The following ENTHD1 variants were observed in gnomAD, a reference collection of about 807,000 sequenced individuals.
ENTHD1 encodes ENTH domain-containing protein 1.
Under a neutral mutation model 39.1 loss-of-function variants are expected in ENTHD1, and 23 were observed. That is an observed-to-expected ratio of 0.59 (90% CI 0.42 to 0.83). The LOEUF is 0.83. ENTHD1 is among the 40% of genes least tolerant of loss of function. ENTHD1 has a pLI of 0.00. For missense variants in ENTHD1, 624 were observed against 705.4 expected, an observed-to-expected ratio of 0.88 and a Z score of 1.31; for synonymous variants, 230 against 258.2, an observed-to-expected ratio of 0.89 and a Z score of 1.05.
chr22:39,828,660 A>G (rs763147982), intron 4 of ENTHD1, among the ~76,000 whole-genome samples: 2 of 152,254 alleles, frequency 1.3e-5, no homozygotes, highest in Non-Finnish European at 2.9e-5. Context: ...ATCTGTTTCT[A>G]TGGAAACAAC....
intron 5 of ENTHD1, among the ~76,000 whole-genome samples, chr22:39,817,804 A>G (rs984007029): frequency 6.6e-6 from 1 of 152,242 alleles, no homozygotes; most frequent in Non-Finnish European, 1.5e-5. Context: ...GCATGCAGAA[A>G]GATTTTATAG....
chr22:39,887,738 C>A lies in ENTHD1; in HGVS notation c.11G>T (p.Arg4Met). The A allele has an allele frequency of 6.4e-7, 1 of 1,568,814 alleles. No individual in the cohort carries two copies. The highest frequency in any genetic ancestry group is 8.6e-7 in the Non-Finnish European group (1 of 1,159,840). ...TTTCACAAAGTTTTTCACTTGTCTC[C>A]TGAACGCCATAAGTAATACAAGTTC... is the stretch of plus-strand genomic sequence containing the variant. MAF[R>M]RQVKNFVKNY... The change falls in exon 2 of 7, where the codon AGG becomes ATG. Residue 4 changes from arginine (R) to methionine (M), a missense_variant. Physicochemically the swap from Arg to Met is moderately conservative, Grantham distance 91 (BLOSUM62 -1). Coordinates refer to ENST00000325157, the MANE Select transcript of ENTHD1 (RefSeq NM_152512.4).
chr22:39,749,064 C>T (rs1437114538), intron 6 of ENTHD1, among the ~76,000 whole-genome samples: 1 of 152,184 alleles, frequency 6.6e-6, no homozygotes, highest in Non-Finnish European at 1.5e-5. Context: ...AGTTTTGCAG[C>T]TTTGAGTCAT....
chr22:39,850,288 T>G (rs954794847), intron 3 of ENTHD1, among the ~76,000 whole-genome samples: 3 of 152,330 alleles, frequency 2.0e-5, no homozygotes, highest in African/African-American at 4.8e-5. Context: ...ATACTACATC[T>G]TCCTGGGAAA....
At chr22:39,848,260 T>TAA (rs2066007021) in intron 3 of ENTHD1, among the ~76,000 whole-genome samples, 1 of 146,012 alleles carries the variant, frequency 6.8e-6, no homozygotes, top group South Asian at 2.2e-4. Flanking sequence ...ATTAATTAAT[T>TAA]TTTTTTTTTT....
At chr22:39,866,465 G>A (rs1224058436) in intron 2 of ENTHD1, among the ~76,000 whole-genome samples, 1 of 152,200 alleles carries the variant, frequency 6.6e-6, no homozygotes, top group African/African-American at 2.4e-5. Flanking sequence ...AAATAAAGAA[G>A]GGTGATGTGC....
intron 3 of ENTHD1, among the ~76,000 whole-genome samples, chr22:39,861,171 G>A (rs988795971): frequency 1.3e-5 from 2 of 152,088 alleles, no homozygotes; most frequent in Admixed American, 6.5e-5. Flanking sequence ...TGCCAAATAG[G>A]GTAGTCACTA....
chr22:39,765,561 A>G lies in ENTHD1; in HGVS notation c.881T>C (p.Val294Ala). 3 of 1,613,784 alleles carry G rather than the reference A, an allele frequency of 1.9e-6. No homozygotes were observed. The highest frequency in any genetic ancestry group is 1.7e-6 in the Non-Finnish European group (2 of 1,179,900). ...SENSPSGQRDVSLDKRSDGIF... is the reference protein window; with the variant it reads ...SENSPSGQRDASLDKRSDGIF... ...ACCATCTGATCTCTTGTCCAAACTCACATCTCTCTGCCCAGAAGGACTATT... is the reference window on the plus strand; with the variant it reads ...ACCATCTGATCTCTTGTCCAAACTCGCATCTCTCTGCCCAGAAGGACTATT... The change falls in exon 6 of 7, where the codon GTG (valine) becomes GCG (alanine). Residue 294 changes from valine to alanine, a missense_variant. By Grantham distance (64) the Val-to-Ala change is moderately conservative. Transcript: ENST00000325157.
chr22:39,860,680 T>C (rs1215073353), intron 3 of ENTHD1, among the ~76,000 whole-genome samples: 1 of 152,240 alleles, frequency 6.6e-6, no homozygotes, highest in African/African-American at 2.4e-5. Flanking sequence ...TTTTTGCACT[T>C]AACTGACAGT....
At chr22:39,768,292 C>A (rs907119897) in intron 5 of ENTHD1, among the ~76,000 whole-genome samples, 9 of 152,168 alleles carry the variant, frequency 5.9e-5, no homozygotes, top group African/African-American at 1.9e-4. Flanking sequence ...AAAGGCCCTT[C>A]ATTGCTTACT....
chr22:39,839,662 T>C (rs573113056), intron 3 of ENTHD1, among the ~76,000 whole-genome samples: 3 of 152,348 alleles, frequency 2.0e-5, no homozygotes, highest in East Asian at 3.9e-4. Context: ...CAAAGAGTGG[T>C]GACTTGGGGC....
intron 2 of ENTHD1, among the ~76,000 whole-genome samples, chr22:39,879,044 T>C (rs2066313310): frequency 6.6e-6 from 1 of 151,230 alleles, no homozygotes; most frequent in Admixed American, 6.6e-5. Context: ...GGAGAAAATA[T>C]TTGCAAAAAA....
At chr22:39,805,372 T>C (rs1360800530) in intron 5 of ENTHD1, among the ~76,000 whole-genome samples, 1 of 152,032 alleles carries the variant, frequency 6.6e-6, no homozygotes, top group East Asian at 1.9e-4. Context: ...CCTTACTATG[T>C]GAGATGTGTG....
chr22:39,805,452 T>C (rs923054892), intron 5 of ENTHD1, among the ~76,000 whole-genome samples: 4 of 152,152 alleles, frequency 2.6e-5, no homozygotes, highest in Admixed American at 6.5e-5. Flanking sequence ...GGGCCTCAGG[T>C]TGGGGACATG....
intron 6 of ENTHD1, among the ~76,000 whole-genome samples, chr22:39,758,649 C>A (rs1350733340): frequency 1.3e-5 from 2 of 152,176 alleles, no homozygotes. Context: ...TGATCTTGAA[C>A]TCCTGGCCTC....
At chr22:39,796,507 C>A (rs893931841) in intron 5 of ENTHD1, among the ~76,000 whole-genome samples, 1 of 152,128 alleles carries the variant, frequency 6.6e-6, no homozygotes, top group Non-Finnish European at 1.5e-5. Context: ...TGGGCTCAAG[C>A]AATCCTCCTA....
intron 2 of ENTHD1, chr22:39,875,699 G>A (rs1258438933): frequency 6.2e-6 from 10 of 1,612,328 alleles, no homozygotes; most frequent in African/African-American, 4.0e-5. Flanking sequence ...CACCCAGTTC[G>A]TTTCCAGCAT....
intron 5 of ENTHD1, among the ~76,000 whole-genome samples, chr22:39,781,334 C>G (rs1344956987): frequency 1.3e-5 from 2 of 152,018 alleles, no homozygotes; most frequent in Non-Finnish European, 2.9e-5. Context: ...TGGACTGCAA[C>G]TAGGAATCAA....
intron 4 of ENTHD1, among the ~76,000 whole-genome samples, 198 bp from the exon 5 acceptor site, chr22:39,821,311 C>T (rs2065781721): frequency 6.6e-6 from 1 of 152,090 alleles, no homozygotes; most frequent in African/African-American, 2.4e-5. Context: ...ATCCCCAGAC[C>T]TTGCTGAAGA....
Sources: allele counts gnomAD v4.1 joint callset (sites outside exome capture counted in the v4.1 genomes callset), GRCh38; gene constraint gnomAD v4.1.1; transcripts MANE v1.5; gene names NCBI Gene and HGNC (gene_info 2026-07-23, HGNC 2026-07-21).